NFIB: variants seen among roughly 807,000 people sequenced by gnomAD.
NFIB encodes nuclear factor I B, also known as nuclear factor 1 B-type.
NFIB carries 11 observed loss-of-function variants against 61.5 expected under a neutral mutation model. The observed-to-expected ratio is 0.18, with a 90% CI of 0.11 to 0.30. NFIB has a LOEUF of 0.30. Among genes scored for constraint, NFIB ranks in the 10% least tolerant of loss-of-function variants. The probability of loss-of-function intolerance (pLI) is 1.00; values close to 1 mark genes in which losing one functional copy is unlikely to be tolerated. For synonymous variants in NFIB, 260 were observed against 216.5 expected (o/e 1.20, Z -1.76); for missense variants, 471 against 608.9 (o/e 0.77, Z 2.38).
chr9:14,146,874 T>C, intron 5 of NFIB, 67 bp from the exon 6 acceptor site: 1 of 1,573,256 alleles, frequency 6.4e-7, no homozygotes. Flanking sequence ...TTAAAGTAAA[T>C]GATCTGAGAA....
At chr9:14,385,411 G>A (rs533092949) in intron 1 of NFIB, among the ~76,000 whole-genome samples, 337 of 152,302 alleles carry the variant, frequency 2.2e-3, no homozygotes, top group African/African-American at 7.7e-3. Context: ...ATCATACAGA[G>A]GGGGTTGGGA....
At chr9:14,519,307 A>AT in the NFIB span, among the ~76,000 whole-genome samples, 1 of 152,160 alleles carries the variant, frequency 6.6e-6, no homozygotes, top group Non-Finnish European at 1.5e-5. Flanking sequence ...GTAAGATTGG[A>AT]TCTCTGCTTT....
intron 6 of NFIB, among the ~76,000 whole-genome samples, chr9:14,141,770 A>T (rs2041732557): frequency 6.6e-6 from 1 of 151,880 alleles, no homozygotes; most frequent in African/African-American, 2.4e-5. Context: ...TTGTTTAAAT[A>T]CTCATCTGGC....
At chr9:14,456,503 T>A in the NFIB span, among the ~76,000 whole-genome samples, 39 of 152,188 alleles carry the variant, frequency 2.6e-4, no homozygotes, top group African/African-American at 8.4e-4. Context: ...AAAAAGCCAA[T>A]AATGCACTAG....
chr9:14,413,190 G>C, the NFIB span, among the ~76,000 whole-genome samples: 2 of 152,276 alleles, frequency 1.3e-5, no homozygotes, highest in Non-Finnish European at 1.5e-5. Flanking sequence ...GTCTCCAGTG[G>C]CATGGATGGC....
At chr9:14,103,158 T>C (rs1173533091) in intron 10 of NFIB, among the ~76,000 whole-genome samples, 1 of 152,228 alleles carries the variant, frequency 6.6e-6, no homozygotes, top group Non-Finnish European at 1.5e-5. Flanking sequence ...AAGTGAGGAA[T>C]GCACTGAATA....
the NFIB span, among the ~76,000 whole-genome samples, chr9:14,405,395 T>C: frequency 6.6e-6 from 1 of 152,180 alleles, no homozygotes; most frequent in South Asian, 2.1e-4. Flanking sequence ...AATGTTGCCA[T>C]AACAAAAACC....
intron 2 of NFIB, among the ~76,000 whole-genome samples, chr9:14,278,366 G>C (rs1361459104): frequency 1.3e-5 from 2 of 152,218 alleles, no homozygotes; most frequent in African/African-American, 4.8e-5. Context: ...AGAAAGATTA[G>C]TTTATACAGC....
At chr9:14,458,586 T>A in the NFIB span, among the ~76,000 whole-genome samples, 1 of 152,208 alleles carries the variant, frequency 6.6e-6, no homozygotes, top group Non-Finnish European at 1.5e-5. Flanking sequence ...TGTCCCTCTT[T>A]GCAGATGACA....
At chr9:14,465,487 GAGA>G in the NFIB span, among the ~76,000 whole-genome samples, 1 of 152,026 alleles carries the variant, frequency 6.6e-6, no homozygotes, top group African/African-American at 2.4e-5. Context: ...ACAACATAGA[GAGA>G]AGAAAATGGC....
chr9:14,225,482 A>AAAAAAAAAAAAAC (rs2052276720), intron 2 of NFIB, among the ~76,000 whole-genome samples: 1 of 86,352 alleles, frequency 1.2e-5, no homozygotes, highest in Non-Finnish European at 2.2e-5. Context: ...AAAAAAAAAG[A>AAAAAAAAAAAAAC]AGAAGAAGAA....
intron 1 of NFIB, among the ~76,000 whole-genome samples, chr9:14,381,679 G>A (rs1225746405): frequency 1.3e-5 from 2 of 152,214 alleles, no homozygotes; most frequent in Non-Finnish European, 2.9e-5. Flanking sequence ...TACGGCCTAG[G>A]ACAGGCCAAT....
the NFIB span, among the ~76,000 whole-genome samples, chr9:14,517,263 A>G: frequency 2.0e-5 from 3 of 152,354 alleles, no homozygotes; most frequent in African/African-American, 7.2e-5. Context: ...GAGCAATTCA[A>G]GTGAGTATCT....
At chr9:14,181,241 A>C (rs1303999614) in intron 2 of NFIB, among the ~76,000 whole-genome samples, 2 of 152,004 alleles carry the variant, frequency 1.3e-5, no homozygotes, top group Non-Finnish European at 2.9e-5. Context: ...CATTTCCTTA[A>C]TTGTCTTTTT....
chr9:14,507,778 G>A, the NFIB span, among the ~76,000 whole-genome samples: 1 of 152,132 alleles, frequency 6.6e-6, no homozygotes, highest in African/African-American at 2.4e-5. Flanking sequence ...TTGGAGGTCA[G>A]ACAGAAATAA....
At chr9:14,395,601 C>G (rs183356892) in intron 1 of NFIB, among the ~76,000 whole-genome samples, 56 of 152,218 alleles carry the variant, frequency 3.7e-4, no homozygotes, top group African/African-American at 1.2e-3. Flanking sequence ...CTGTATGCAG[C>G]ATGACCTCTT....
At chr9:14,414,367 A>G in the NFIB span, among the ~76,000 whole-genome samples, 2 of 150,074 alleles carry the variant, frequency 1.3e-5, no homozygotes, top group South Asian at 4.2e-4. Flanking sequence ...CCCGAGAGGC[A>G]GAGGTTGCAG....
chr9:14,377,998 A>G (rs2061439930), intron 1 of NFIB, among the ~76,000 whole-genome samples: 1 of 152,186 alleles, frequency 6.6e-6, no homozygotes, highest in Non-Finnish European at 1.5e-5. Flanking sequence ...TCACTCTAGT[A>G]GTAACTAATG....
the NFIB span, among the ~76,000 whole-genome samples, chr9:14,528,780 A>T: frequency 6.6e-6 from 1 of 152,180 alleles, no homozygotes; most frequent in East Asian, 1.9e-4. Context: ...AATAGAATGG[A>T]AAGTCCAAAA....
Sources: gnomAD v4.1 joint callset for allele counts (sites outside exome capture counted in the v4.1 genomes callset) on GRCh38, gnomAD v4.1.1 for gene constraint, MANE v1.5 for transcripts, NCBI Gene and HGNC (gene_info 2026-07-23, HGNC 2026-07-21) for gene names.